The following LINGO3 variants were observed in gnomAD, a reference collection of about 807,000 sequenced individuals.
LINGO3 encodes leucine-rich repeat and immunoglobulin-like domain-containing nogo receptor-interacting protein 3.
For synonymous variants in LINGO3, 427 were observed against 444.2 expected (o/e 0.96, Z 0.49); for missense variants, 750 against 867.7 (o/e 0.86, Z 1.70).
chr19:2,307,150 A>ACGCC, the LINGO3 span, among the ~76,000 whole-genome samples: 1 of 152,010 alleles, frequency 6.6e-6, no homozygotes, highest in Non-Finnish European at 1.5e-5. Flanking sequence ...TGCACAGCAG[A>ACGCC]CGCCCGCTCC....
chr19:2,289,888 C>T (rs2025500989), exon 1 of LINGO3: 2 of 901,200 alleles, frequency 2.2e-6, no homozygotes, highest in Admixed American at 3.0e-5. Flanking sequence ...GGAAGTTCTG[C>T]CTGGGGAGCG....
the LINGO3 span, among the ~76,000 whole-genome samples, chr19:2,307,828 C>T: frequency 1.3e-5 from 2 of 152,164 alleles, no homozygotes; most frequent in African/African-American, 4.8e-5. Context: ...CCCGATTCCC[C>T]GCTCCTTGGC....
At chr19:2,293,639 T>A (rs1268002170), upstream of LINGO3, among the ~76,000 whole-genome samples, 91 of 148,532 alleles carry the variant, frequency 6.1e-4, no homozygotes, top group Middle Eastern at 0.016. Context: ...GGATTACAGG[T>A]GTGAGCCACC....
downstream of LINGO3, chr19:2,289,707 A>C: frequency 1.9e-5 from 6 of 318,274 alleles, no homozygotes; most frequent in East Asian, 6.4e-5. Flanking sequence ...CCGGGTTGGT[A>C]GACGGGAGCC....
chr19:2,288,786 C>T (rs1004985023), downstream of LINGO3, among the ~76,000 whole-genome samples: 8 of 152,182 alleles, frequency 5.3e-5, no homozygotes, highest in African/African-American at 1.9e-4. This position sits in a 1 kb window ranked among gnomAD's most constrained non-coding sequence, Gnocchi z 6.5. Context: ...CTCAGCTGAG[C>T]AGGCGCTGGG....
At chr19:2,307,884 C>T in the LINGO3 span, among the ~76,000 whole-genome samples, 5 of 152,122 alleles carry the variant, frequency 3.3e-5, no homozygotes, top group South Asian at 2.1e-4. Context: ...AGTTCGCCCC[C>T]AAAGTTTCCA....
chr19:2,290,609 G>A lies in LINGO3; in HGVS notation c.1168C>T (p.Leu390=), dbSNP rs1330362762. 5 of 1,588,792 alleles carry A rather than the reference G, an allele frequency of 3.1e-6. No homozygotes were observed. Among genetic ancestry groups the A allele is most frequent in the Non-Finnish European group, 4.3e-6 (5 of 1,172,538 alleles). ...AGCACGGAGTCCGGCAGGTTTCGCA[G>A]CGCGTCGCCGCGCACCTCGGCCGGG... is the stretch of plus-strand genomic sequence containing the variant. Residue 390 remains leucine (L), a synonymous_variant, in exon 1 of 1, where the codon CTG becomes TTG. Transcript: ENST00000585527. This position sits in a 1 kb window ranked among gnomAD's most constrained non-coding sequence, Gnocchi z 6.0.
At position 2,290,312 on chromosome 19, in the gene LINGO3, C is replaced by T. The variant is rs2145085211; in HGVS notation, c.1465G>A (p.Asp489Asn). The T allele has an allele frequency of 2.6e-6, 4 of 1,563,882 alleles. No homozygotes were observed. In the East Asian group the frequency reaches 7.1e-5, roughly 28 times the overall value. ...ACGGTCAGCGTGGCGAAGTAGGTGT[C>T]GTTGCCGCCCGCGTTGCTGGCCACG... The change falls in exon 1 of 1, where the codon GAC becomes AAC. Residue 489 changes from aspartate to asparagine, a missense_variant. By Grantham distance (23) the Asp-to-Asn change is conservative. Coordinates refer to ENST00000585527, the Ensembl canonical transcript of LINGO3. This position sits in a 1 kb window ranked among gnomAD's most constrained non-coding sequence, Gnocchi z 6.0.
At chr19:2,301,715 C>T in the LINGO3 span, among the ~76,000 whole-genome samples, 1 of 151,978 alleles carries the variant, frequency 6.6e-6, no homozygotes, top group Non-Finnish European at 1.5e-5. Context: ...ATCACAAGTT[C>T]AAGAGATGGA....
At chr19:2,307,951 A>C in the LINGO3 span, among the ~76,000 whole-genome samples, 1 of 150,716 alleles carries the variant, frequency 6.6e-6, no homozygotes, top group Non-Finnish European at 1.5e-5. Flanking sequence ...TGCGCGGGGC[A>C]ATTTCCCCCG....
chr19:2,290,741 T>G lies in LINGO3; in HGVS notation c.1036A>C (p.Thr346Pro). 6.2e-7 allele frequency: 1 copy of G among 1,612,590 alleles called. No homozygotes were observed. Among genetic ancestry groups the G allele is most frequent in the Non-Finnish European group, 8.5e-7 (1 of 1,179,580 alleles). ...AGCGGGTTCCCGTCCACGCGCAGCG[T>G]CTCTAGCGTGTTCACCGAGTGGAAG... The change falls in exon 1 of 1, where the codon ACG (threonine) becomes CCG (proline). Residue 346 changes from threonine (T) to proline (P), a missense_variant. Transcript: ENST00000585527. The surrounding 1 kb of genome is among the most constrained non-coding windows in gnomAD (Gnocchi z 6.0).
the LINGO3 span, among the ~76,000 whole-genome samples, chr19:2,299,030 C>T: frequency 2.0e-5 from 3 of 152,172 alleles, no homozygotes; most frequent in African/African-American, 7.2e-5. Context: ...CTCTGGACCT[C>T]GCCTGTCACG....
the LINGO3 span, among the ~76,000 whole-genome samples, chr19:2,300,287 C>T: frequency 1.3e-5 from 2 of 152,080 alleles, no homozygotes; most frequent in African/African-American, 4.8e-5. Flanking sequence ...CTGCCTCAGC[C>T]TCCCAAGGTG....
chr19:2,291,142 G>A (rs778105261), exon 1 of LINGO3: 10 of 1,607,332 alleles, frequency 6.2e-6, no homozygotes, highest in Non-Finnish European at 8.5e-6. Flanking sequence ...GTCCTCCAGG[G>A]AGGCGATGGC....
At chr19:2,305,157 G>A in the LINGO3 span, among the ~76,000 whole-genome samples, 3 of 152,118 alleles carry the variant, frequency 2.0e-5, no homozygotes, top group African/African-American at 4.8e-5. Context: ...GAGGTCGCTC[G>A]AGGCCTCCCG....
In LINGO3 at chr19:2,290,943, C is replaced by T. The variant is rs2025513307; in HGVS notation, c.834G>A (p.Ser278=). 1.2e-6 allele frequency: 2 copies of T among 1,611,860 alleles called. No homozygotes were observed. The highest frequency in any genetic ancestry group is 2.2e-5 in the East Asian group (1 of 44,844). ...GCGGCACCGTGCTGATGGGGTTGTG[C>T]GACAGATTGAGGCAGGTGAGGTGCG... Residue 278 remains serine, a synonymous_variant, in exon 1 of 1, where the codon TCG becomes TCA. Transcript: ENST00000585527. The surrounding 1 kb of genome is among the most constrained non-coding windows in gnomAD (Gnocchi z 6.0).
chr19:2,304,164 C>A, the LINGO3 span, among the ~76,000 whole-genome samples: 2 of 152,236 alleles, frequency 1.3e-5, no homozygotes, highest in African/African-American at 2.4e-5. Flanking sequence ...TTCATTCATT[C>A]ATTCAACAAG....
At chr19:2,287,960 AT>A (rs900450124), downstream of LINGO3, among the ~76,000 whole-genome samples, 2 of 152,138 alleles carry the variant, frequency 1.3e-5, no homozygotes, top group African/African-American at 4.8e-5. The surrounding 1 kb of genome is among the most constrained non-coding windows in gnomAD (Gnocchi z 4.5). Context: ...GCCCCCAGCA[AT>A]GTCCTAACTG....
chr19:2,297,710 T>G, the LINGO3 span, among the ~76,000 whole-genome samples: 47 of 151,644 alleles, frequency 3.1e-4, no homozygotes, highest in African/African-American at 8.7e-4. Flanking sequence ...GTTTAAGTGA[T>G]TCTCCTGTCT....
Sources: gnomAD v4.1 joint callset for allele counts (sites outside exome capture counted in the v4.1 genomes callset) on GRCh38, gnomAD v4.1.1 for gene constraint, Gnocchi (gnomAD v3.1) non-coding constraint, MANE v1.5 for transcripts, NCBI Gene and HGNC (gene_info 2026-07-23, HGNC 2026-07-21) for gene names.